OXCT1: variants seen among roughly 807,000 people sequenced by gnomAD.
OXCT1 encodes the protein succinyl-CoA:3-ketoacid coenzyme A transferase 1, mitochondrial.
Under a neutral mutation model 69.6 loss-of-function variants are expected in OXCT1, and 27 were observed. The ratio of observed to expected loss-of-function variants is 0.39; its 90% CI spans 0.29 to 0.54. The LOEUF (loss-of-function observed/expected upper bound fraction) is 0.54, where lower values mean the gene tolerates loss of function less well. Ranked by LOEUF, OXCT1 falls within the 20% of genes least tolerant of loss-of-function variation. OXCT1 has a pLI of 0.72. For missense variants in OXCT1, 437 were observed against 650.2 expected (o/e 0.67, Z 3.57); for synonymous variants, 202 against 217.8 (o/e 0.93, Z 0.64).
intron 2 of OXCT1, 133 bp downstream of exon 2, chr5:41,862,509 A>T: frequency 1.6e-6 from 1 of 616,764 alleles, no homozygotes; most frequent in South Asian, 1.9e-5. Context: ...AATAGATGAT[A>T]TTATAATATG....
intron 2 of OXCT1, 45 bp downstream of exon 2, chr5:41,862,597 A>T (rs1749786901): frequency 9.7e-7 from 1 of 1,026,182 alleles, no homozygotes; most frequent in Admixed American, 1.7e-5. Context: ...TTCATTTAAA[A>T]ACATAAGGAC....
intron 9 of OXCT1, 88 bp downstream of exon 9, chr5:41,805,479 A>T: frequency 1.2e-6 from 1 of 868,680 alleles, no homozygotes; most frequent in Non-Finnish European, 2.0e-6. Flanking sequence ...ACTAGAGATG[A>T]CTCACTATGC....
At chr5:41,821,129 T>A (rs1161639230) in intron 7 of OXCT1, among the ~76,000 whole-genome samples, 3 of 152,218 alleles carry the variant, frequency 2.0e-5, no homozygotes, top group Non-Finnish European at 4.4e-5. Flanking sequence ...TAGCAATTTG[T>A]AGTTTTGGTA....
In OXCT1 at chr5:41,762,295, A is replaced by G; in HGVS notation, c.1249-95T>C. The G allele has an allele frequency of 1.0e-6, 1 of 955,096 alleles. No individual in the cohort carries two copies. Among genetic ancestry groups the G allele is most frequent in the South Asian group, 1.3e-5 (1 of 77,882 alleles). 59.2% of individuals were successfully genotyped at this position (955,096 alleles called of 1,614,324 possible). A position where few individuals can be genotyped will look rare whatever the true frequency, so the allele number is the denominator to read the frequency against. On this transcript the variant is annotated intron_variant, in intron 13 of 16. Transcript: ENST00000196371. The surrounding 1 kb of genome is among the most constrained non-coding windows in gnomAD (Gnocchi z 4.0). ...GCAAAAATAAGCTACTAGAATCATT[A>G]AAAACTCATTGTCCTTCATTGCTTA...
At chr5:41,761,605 C>G (rs1449889643) in intron 14 of OXCT1, among the ~76,000 whole-genome samples, 4 of 152,204 alleles carry the variant, frequency 2.6e-5, no homozygotes, top group South Asian at 2.1e-4. Context: ...AAGTATAATA[C>G]CTTTCAGAGC....
intron 7 of OXCT1, 76 bp downstream of exon 7, chr5:41,840,375 G>A: frequency 9.4e-7 from 1 of 1,064,074 alleles, no homozygotes; most frequent in Non-Finnish European, 1.5e-6. Context: ...CAAATGAACT[G>A]TGGTACTTTT....
intron 1 of OXCT1, among the ~76,000 whole-genome samples, chr5:41,863,165 G>A (rs1749820854): frequency 6.6e-6 from 1 of 152,040 alleles, no homozygotes; most frequent in South Asian, 2.1e-4. Context: ...CACATATGTA[G>A]GAAAAACAAC....
chr5:41,749,749 T>A (rs763922962), intron 14 of OXCT1, 142 bp from the exon 15 acceptor site: 23 of 646,026 alleles, frequency 3.6e-5, no homozygotes, highest in Non-Finnish European at 6.4e-5. Flanking sequence ...ACAGTTACAT[T>A]TTTTACTCTT....
At chr5:41,782,924 C>T (rs772674628) in intron 13 of OXCT1, among the ~76,000 whole-genome samples, 1 of 152,162 alleles carries the variant, frequency 6.6e-6, no homozygotes, top group African/African-American at 2.4e-5. Flanking sequence ...TCTCCTGATT[C>T]AGGTTTTCTG....
intron 7 of OXCT1, among the ~76,000 whole-genome samples, chr5:41,829,300 C>T (rs994041724): frequency 1.3e-5 from 2 of 152,022 alleles, no homozygotes; most frequent in Admixed American, 6.6e-5. Flanking sequence ...TTAATAAAAA[C>T]ACAAATTTGA....
At chr5:41,820,465 A>G (rs765376951) in intron 7 of OXCT1, among the ~76,000 whole-genome samples, 11 of 152,240 alleles carry the variant, frequency 7.2e-5, no homozygotes, top group Non-Finnish European at 1.3e-4. Flanking sequence ...TAAAGCATTA[A>G]TAGTGAAAGA....
intron 7 of OXCT1, among the ~76,000 whole-genome samples, chr5:41,829,383 G>A (rs1414065967): frequency 6.6e-6 from 1 of 152,040 alleles, no homozygotes; most frequent in African/African-American, 2.4e-5. Flanking sequence ...AAGAAAGGGG[G>A]ATATATTATT....
Position 41,810,368 on chromosome 5 carries a change from G to A in OXCT1, c.733-2930C>T, listed in dbSNP as rs545458139. Among the ~76,000 whole-genome samples, 6 of 152,010 alleles carry A rather than the reference G, an allele frequency of 3.9e-5. No homozygotes were observed. In the South Asian group the frequency reaches 1.0e-3, roughly 26 times the overall value. ...TAGAAATGGGTAATAAAGAATAAAG[G>A]ACAAAGGAAAAGCCTCAGGGCAAAG... is the stretch of plus-strand genomic sequence containing the variant. On this transcript the variant is annotated intron_variant, in intron 7 of 16. Coordinates refer to ENST00000196371, the MANE Select transcript of OXCT1 (RefSeq NM_000436.4).
intron 14 of OXCT1, among the ~76,000 whole-genome samples, chr5:41,752,576 G>C (rs1743846765): frequency 1.3e-5 from 2 of 151,950 alleles, no homozygotes; most frequent in Non-Finnish European, 2.9e-5. Flanking sequence ...AACATAGCAA[G>C]ACCCTATTTC....
At chr5:41,780,906 AT>A (rs879407845) in intron 13 of OXCT1, among the ~76,000 whole-genome samples, 1,820 of 141,336 alleles carry the variant, frequency 0.013, 26 homozygotes, top group African/African-American at 0.036. Flanking sequence ...TGTCTCCCAC[AT>A]TTTTTTTTTT....
intron 15 of OXCT1, among the ~76,000 whole-genome samples, chr5:41,741,936 C>A (rs979217688): frequency 1.3e-5 from 2 of 152,124 alleles, no homozygotes; most frequent in African/African-American, 4.8e-5. Flanking sequence ...TGAACACTTT[C>A]TTTGCAGAAA....
At chr5:41,800,952 T>G (rs1034479572) in intron 11 of OXCT1, 70 bp downstream of exon 11, 57 of 1,308,860 alleles carry the variant, frequency 4.4e-5, no homozygotes, top group Non-Finnish European at 5.9e-5. Context: ...GACAAAGAAT[T>G]GAGTCCAAAC....
chr5:41,844,845 C>G (rs1396226915), intron 5 of OXCT1, among the ~76,000 whole-genome samples: 1 of 151,814 alleles, frequency 6.6e-6, no homozygotes, highest in Non-Finnish European at 1.5e-5. Context: ...TCAAACTCCA[C>G]TGTTACCACC....
At chr5:41,844,210 C>G (rs1278825642) in intron 5 of OXCT1, among the ~76,000 whole-genome samples, 1 of 152,192 alleles carries the variant, frequency 6.6e-6, no homozygotes, top group Non-Finnish European at 1.5e-5. Flanking sequence ...CTATTATACT[C>G]ACTTGAAAGA....
Sources: gnomAD v4.1 joint callset for allele counts (sites outside exome capture counted in the v4.1 genomes callset) on GRCh38, gnomAD v4.1.1 for gene constraint, Gnocchi (gnomAD v3.1) non-coding constraint, MANE v1.5 for transcripts, NCBI Gene and HGNC (gene_info 2026-07-23, HGNC 2026-07-21) for gene names.